Variants in PCSK6 observed in about 807,000 individuals in gnomAD.
PCSK6 encodes the protein proprotein convertase subtilisin/kexin type 6.
Under a neutral mutation model 123.3 loss-of-function variants are expected in PCSK6, and 85 were observed. The ratio of observed to expected loss-of-function variants is 0.69; its 90% CI spans 0.58 to 0.83. The LOEUF (loss-of-function observed/expected upper bound fraction) is 0.83, where lower values mean the gene tolerates loss of function less well. PCSK6 is among the 40% of genes least tolerant of loss of function. The pLI is 0.00. For synonymous variants in PCSK6, 508 were observed against 516.0 expected (o/e 0.98, Z 0.21); for missense variants, 1,191 against 1,282.3 (o/e 0.93, Z 1.09).
At chr15:101,392,593 C>CTTTTTTTTTTTTTTTTTTTTTTTTTT (rs10525638) in intron 8 of PCSK6, among the ~76,000 whole-genome samples, 4 of 122,358 alleles carry the variant, frequency 3.3e-5, no homozygotes, top group Admixed American at 8.9e-5. Flanking sequence ...CTCCCTTCCT[C>CTTTTTTTTTTTTTTTTTTTTTTTTTT]TTTTTTTTTT....
At chr15:101,467,456 A>T (rs989261855) in intron 1 of PCSK6, among the ~76,000 whole-genome samples, 4 of 151,960 alleles carry the variant, frequency 2.6e-5, no homozygotes, top group African/African-American at 9.7e-5. Flanking sequence ...TATTTTTAGT[A>T]GAGACAGGGT....
chr15:101,331,921 G>T lies in PCSK6; in HGVS notation c.1969C>A (p.Leu657Met). ...SRMLELSAPE[L>M]EPPKAALSPS... ...GACAGGGCAGCCTTGGGTGGCTCCA[G>T]CTCTGGGGCTGAGAGCTCCAGCATC... Residue 657 changes from leucine (L) to methionine (M), a missense_variant, in exon 14 of 22, where the codon CTG becomes ATG. Leu to Met is a conservative substitution (Grantham distance 15). Coordinates refer to ENST00000611716, the MANE Select transcript of PCSK6 (RefSeq NM_002570.5). The T allele has an allele frequency of 1.2e-6, 2 of 1,613,916 alleles. No homozygotes were observed. Among genetic ancestry groups the T allele is most frequent in the Non-Finnish European group, 1.7e-6 (2 of 1,179,866 alleles).
chr15:101,416,758 G>C (rs2055902209), intron 6 of PCSK6, among the ~76,000 whole-genome samples: 1 of 152,264 alleles, frequency 6.6e-6, no homozygotes, highest in African/African-American at 2.4e-5. Flanking sequence ...TGTGGCTTCA[G>C]AGGGTGGGAG....
chr15:101,435,830 C>T (rs2056583105), intron 2 of PCSK6, among the ~76,000 whole-genome samples: 2 of 152,102 alleles, frequency 1.3e-5, no homozygotes, highest in Non-Finnish European at 2.9e-5. Flanking sequence ...AAGCAGAGAC[C>T]CAGGAGGGGG....
At chr15:101,469,792 G>A (rs1193035480) in intron 1 of PCSK6, among the ~76,000 whole-genome samples, 3 of 152,102 alleles carry the variant, frequency 2.0e-5, no homozygotes, top group South Asian at 2.1e-4. Flanking sequence ...TTTTCAAATC[G>A]GCCAACACAA....
chr15:101,405,946 C>T (rs947433985), intron 6 of PCSK6, among the ~76,000 whole-genome samples: 5 of 152,124 alleles, frequency 3.3e-5, no homozygotes, highest in African/African-American at 1.2e-4. Flanking sequence ...CTTCGCCATG[C>T]TGGCCAGGCT....
intron 12 of PCSK6, among the ~76,000 whole-genome samples, chr15:101,367,640 T>C (rs186153958): frequency 6.6e-6 from 1 of 151,856 alleles, no homozygotes; most frequent in East Asian, 1.9e-4. Context: ...GGCACATCAA[T>C]GGCTTCTTAG....
chr15:101,384,326 A>G lies in PCSK6; in HGVS notation c.1410T>C (p.His470=). The change falls in exon 10 of 22, where the codon CAT becomes CAC. Residue 470 remains histidine (H), a synonymous_variant. Coordinates refer to ENST00000611716, the MANE Select transcript of PCSK6 (RefSeq NM_002570.5). ...ACCAGAACGCCACTGCCGCACCTTT[A>G]TGACCCGCGCCGTTCACTTTCCAGT... ...ASDWKVNGAG[H]KVSHFYGFGL... 1 of 1,613,624 alleles carries G rather than the reference A, an allele frequency of 6.2e-7. No individual in the cohort carries two copies. The highest frequency in any genetic ancestry group is 8.5e-7 in the Non-Finnish European group (1 of 1,179,692).
At chr15:101,364,243 G>C (rs2041322881) in intron 13 of PCSK6, among the ~76,000 whole-genome samples, 2 of 152,202 alleles carry the variant, frequency 1.3e-5, no homozygotes, top group Non-Finnish European at 2.9e-5. Context: ...ACGGAACAGT[G>C]AAAGCAAACC....
chr15:101,470,723 C>T (rs777794595), intron 1 of PCSK6, among the ~76,000 whole-genome samples: 5 of 152,196 alleles, frequency 3.3e-5, no homozygotes, highest in Non-Finnish European at 7.3e-5. Context: ...TCTCCTAGGC[C>T]GGGGTTCTCC....
intron 1 of PCSK6, among the ~76,000 whole-genome samples, chr15:101,472,236 G>A (rs934994442): frequency 3.3e-5 from 5 of 152,200 alleles, no homozygotes; most frequent in South Asian, 2.1e-4. Flanking sequence ...TCAGCAGGTC[G>A]TCTTCTGCTA....
chr15:101,472,385 G>C (rs916529091), intron 1 of PCSK6, among the ~76,000 whole-genome samples: 3 of 152,252 alleles, frequency 2.0e-5, no homozygotes, highest in African/African-American at 7.2e-5. Context: ...TGTTTCTAAC[G>C]ATGGGACAAT....
At position 101,489,539 on chromosome 15, in the gene PCSK6, G is replaced by A. The variant is rs1567268462; in HGVS notation, c.132C>T (p.Leu44=). Residue 44 remains leucine, a synonymous_variant, in exon 1 of 22, where the codon CTC becomes CTT. Coordinates refer to ENST00000611716, the MANE Select transcript of PCSK6 (RefSeq NM_002570.5). ...GGAGGPGFRP[L]APRPWRWLLL... Reference sequence around the variant, plus strand: ...GCAGCCAGCGCCAGGGACGCGGCGCGAGCGGCCGGAACCCGGGCCCGCCGG... The same window carrying A: ...GCAGCCAGCGCCAGGGACGCGGCGCAAGCGGCCGGAACCCGGGCCCGCCGG... 22 of 1,001,310 alleles carry A rather than the reference G, an allele frequency of 2.2e-5. No homozygotes were observed. Among genetic ancestry groups the A allele is most frequent in the Non-Finnish European group, 2.6e-5 (22 of 843,590 alleles). The allele number at this position is 1,001,310 out of a possible 1,614,324, so 62.0% of individuals were successfully genotyped here. A position where few individuals can be genotyped will look rare whatever the true frequency, so the allele number is the denominator to read the frequency against.
chr15:101,351,458 A>C (rs1463630282), intron 13 of PCSK6, among the ~76,000 whole-genome samples: 3 of 152,324 alleles, frequency 2.0e-5, no homozygotes, highest in East Asian at 1.9e-4. Context: ...TGTGGCAAAA[A>C]TATTACCCAA....
intron 13 of PCSK6, among the ~76,000 whole-genome samples, chr15:101,350,708 G>T (rs10152471): frequency 6.6e-6 from 1 of 151,942 alleles, no homozygotes; most frequent in Non-Finnish European, 1.5e-5. Flanking sequence ...GCTGGCCCCC[G>T]CAAGCATAAA....
At chr15:101,419,142 G>A (rs2055992833) in intron 6 of PCSK6, among the ~76,000 whole-genome samples, 1 of 151,758 alleles carries the variant, frequency 6.6e-6, no homozygotes, top group South Asian at 2.1e-4. Flanking sequence ...ATATTAAAGA[G>A]ATAAAACCAC....
chr15:101,489,483 G>A lies in PCSK6; in HGVS notation c.188C>T (p.Ala63Val), dbSNP rs2141292127. The A allele has an allele frequency of 9.3e-7, 1 of 1,078,512 alleles. No individual in the cohort carries two copies. Among genetic ancestry groups the A allele is most frequent in the Non-Finnish European group, 1.1e-6 (1 of 890,854 alleles). The allele number at this position is 1,078,512 out of a possible 1,614,324, so 66.8% of individuals were successfully genotyped here. Reference sequence around the variant, plus strand: ...GGTGTAGACGGGGCGCGGCGGGGGCGCGGAGCAGGCGGCAGGCAGCGCCAG... The same window carrying A: ...GGTGTAGACGGGGCGCGGCGGGGGCACGGAGCAGGCGGCAGGCAGCGCCAG... ...LLLALPAACS[A>V]PPPRPVYTNH... The change falls in exon 1 of 22, where the codon GCG becomes GTG. Residue 63 changes from alanine to valine, a missense_variant. Transcript: ENST00000611716.
intron 13 of PCSK6, among the ~76,000 whole-genome samples, chr15:101,348,174 G>A (rs796727692): frequency 5.9e-5 from 9 of 151,998 alleles, no homozygotes; most frequent in South Asian, 4.2e-4. Flanking sequence ...GGGTCGGACC[G>A]GCCCCTGCGC....
chr15:101,408,440 T>G (rs535815922), intron 6 of PCSK6, among the ~76,000 whole-genome samples: 36 of 152,308 alleles, frequency 2.4e-4, no homozygotes, highest in African/African-American at 7.9e-4. Flanking sequence ...TCTGCGGGTG[T>G]CTGCAGCAGG....
Sources: allele counts gnomAD v4.1 joint callset (sites outside exome capture counted in the v4.1 genomes callset), GRCh38; gene constraint gnomAD v4.1.1; transcripts MANE v1.5; gene names NCBI Gene and HGNC (gene_info 2026-07-23, HGNC 2026-07-21).